SEC24B: variants seen among roughly 807,000 people sequenced by gnomAD.
SEC24B encodes protein transport protein Sec24B.
SEC24B carries 45 observed loss-of-function variants against 142.8 expected under a neutral mutation model. The ratio of observed to expected loss-of-function variants is 0.32; its 90% confidence interval spans 0.25 to 0.40. The LOEUF (loss-of-function observed/expected upper bound fraction) is 0.40. SEC24B is among the 10% of genes least tolerant of loss of function. SEC24B has a pLI of 1.00. For missense variants in SEC24B, 1,409 were observed against 1,526.8 expected (o/e 0.92, Z 1.29); for synonymous variants, 574 against 568.2 (o/e 1.01, Z -0.15).
At chr4:109,444,472 ATTTTTTT>A (rs796951465) in intron 1 of SEC24B, among the ~76,000 whole-genome samples, 1 of 128,270 alleles carries the variant, frequency 7.8e-6, no homozygotes, top group Non-Finnish European at 1.6e-5. Context: ...AGATCCTGTG[ATTTTTTT>A]TTTTTTTTTT....
chr4:109,442,215 T>C (rs1206728623), intron 1 of SEC24B, among the ~76,000 whole-genome samples: 3 of 152,150 alleles, frequency 2.0e-5, no homozygotes, highest in Admixed American at 6.5e-5. Flanking sequence ...ACTAAATGGA[T>C]ACCATCCTTC....
chr4:109,517,262 G>C (rs1321424149), intron 11 of SEC24B, among the ~76,000 whole-genome samples: 2 of 152,052 alleles, frequency 1.3e-5, no homozygotes, highest in African/African-American at 4.8e-5. Flanking sequence ...AAAGAAACTG[G>C]TATATGTGCA....
intron 4 of SEC24B, among the ~76,000 whole-genome samples, chr4:109,484,412 T>A (rs1190599104): frequency 6.6e-6 from 1 of 152,202 alleles, no homozygotes; most frequent in Non-Finnish European, 1.5e-5. Flanking sequence ...TTTTATTATT[T>A]GAATAAGGTG....
intron 4 of SEC24B, among the ~76,000 whole-genome samples, chr4:109,486,357 G>A (rs1734352069): frequency 6.6e-6 from 1 of 152,158 alleles, no homozygotes; most frequent in Non-Finnish European, 1.5e-5. Flanking sequence ...ATACTAGTAA[G>A]TATATTGCCT....
At chr4:109,446,609 A>G (rs897832897) in intron 1 of SEC24B, among the ~76,000 whole-genome samples, 3 of 152,234 alleles carry the variant, frequency 2.0e-5, no homozygotes, top group African/African-American at 7.2e-5. Context: ...ATATAATGAA[A>G]TACGATAGAT....
At chr4:109,516,686 A>T in intron 11 of SEC24B, 46 bp downstream of exon 11, 4 of 1,089,756 alleles carry the variant, frequency 3.7e-6, no homozygotes, top group Non-Finnish European at 5.4e-6. Flanking sequence ...TATGTTATAT[A>T]TATAAATGTG....
At chr4:109,498,610 C>T (rs1052226838) in intron 6 of SEC24B, among the ~76,000 whole-genome samples, 2 of 152,138 alleles carry the variant, frequency 1.3e-5, no homozygotes, top group African/African-American at 2.4e-5. Flanking sequence ...GTTATCTGCC[C>T]GCCTTGGCCT....
intron 2 of SEC24B, among the ~76,000 whole-genome samples, chr4:109,468,233 G>A (rs1732161946): frequency 6.6e-6 from 1 of 152,206 alleles, no homozygotes. Context: ...TATGGGAATA[G>A]CGTAATTTTA....
At chr4:109,525,585 A>G in intron 16 of SEC24B, 81 bp downstream of exon 16, 1 of 893,746 alleles carries the variant, frequency 1.1e-6, no homozygotes, top group Non-Finnish European at 1.7e-6. Flanking sequence ...ACTACCTCTG[A>G]CTGTTCATGA....
chr4:109,500,120 A>G (rs1051901657), intron 6 of SEC24B, among the ~76,000 whole-genome samples: 4 of 152,248 alleles, frequency 2.6e-5, no homozygotes, highest in Admixed American at 2.6e-4. Context: ...AATAGAAAAA[A>G]GTTACGGAAT....
intron 3 of SEC24B, among the ~76,000 whole-genome samples, chr4:109,479,159 G>A (rs752952025): frequency 2.0e-4 from 31 of 152,138 alleles, no homozygotes; most frequent in Non-Finnish European, 2.9e-4. Context: ...ATGTCCTTTC[G>A]AAAATATTGG....
intron 7 of SEC24B, among the ~76,000 whole-genome samples, chr4:109,507,648 CT>C (rs963229569): frequency 2.0e-5 from 3 of 151,546 alleles, no homozygotes; most frequent in South Asian, 2.1e-4. Flanking sequence ...TTTTTTCTTT[CT>C]TTTTTTTATT....
At chr4:109,489,578 G>C (rs1734770235) in intron 4 of SEC24B, among the ~76,000 whole-genome samples, 1 of 112,650 alleles carries the variant, frequency 8.9e-6, no homozygotes. Context: ...CCTCCCCTCA[G>C]CCTGGGTCTT....
intron 2 of SEC24B, among the ~76,000 whole-genome samples, chr4:109,466,386 T>A (rs1561092518): frequency 6.6e-6 from 1 of 152,176 alleles, no homozygotes; most frequent in Non-Finnish European, 1.5e-5. Context: ...ATGAAAATCT[T>A]AAGTATTAAA....
chr4:109,434,471 G>A (rs1728201492), intron 1 of SEC24B, among the ~76,000 whole-genome samples: 1 of 152,220 alleles, frequency 6.6e-6, no homozygotes, highest in Admixed American at 6.5e-5. Context: ...ACCCAGCAGG[G>A]TGGATTGTGC....
At chr4:109,502,740 G>A (rs957246641) in intron 6 of SEC24B, among the ~76,000 whole-genome samples, 4 of 152,156 alleles carry the variant, frequency 2.6e-5, no homozygotes, top group African/African-American at 9.7e-5. Flanking sequence ...GGTCAAGTAT[G>A]GAGAAATAAT....
Position 109,482,160 on chromosome 4 carries a change from G to A in SEC24B, c.1165+379G>A, listed in dbSNP as rs549248196. ...ATTTTCTGCTTTGCCTGCTACTTTAGTCTAATCAAAATAAGCCATGTGGAT... is the reference window on the plus strand; with the variant it reads ...ATTTTCTGCTTTGCCTGCTACTTTAATCTAATCAAAATAAGCCATGTGGAT... On this transcript the variant is annotated intron_variant, in intron 4 of 23. Transcript: ENST00000265175. Among the ~76,000 whole-genome samples, 5 of 152,252 alleles carry A rather than the reference G, an allele frequency of 3.3e-5. No homozygotes were observed. The East Asian group carries it at 9.6e-4, about 29-fold the overall frequency.
intron 1 of SEC24B, among the ~76,000 whole-genome samples, chr4:109,450,574 C>T (rs1729963017): frequency 6.6e-6 from 1 of 150,498 alleles, no homozygotes; most frequent in African/African-American, 2.5e-5. Context: ...AGGAGAATTG[C>T]TTGAACCCAG....
intron 2 of SEC24B, among the ~76,000 whole-genome samples, chr4:109,471,038 A>G (rs553336150): frequency 6.6e-6 from 1 of 152,182 alleles, no homozygotes; most frequent in South Asian, 2.1e-4. Context: ...TCAAAATTGG[A>G]TGCTGAGTTC....
Sources: allele counts gnomAD v4.1 joint callset (sites outside exome capture counted in the v4.1 genomes callset), GRCh38; gene constraint gnomAD v4.1.1; transcripts MANE v1.5; gene names NCBI Gene and HGNC (gene_info 2026-07-23, HGNC 2026-07-21).